Variants in HSPA4 observed in about 807,000 individuals in gnomAD.
HSPA4 encodes heat shock protein family A (Hsp70) member 4, also known as heat shock 70 kDa protein 4.
In HSPA4, 25 loss-of-function variants were observed where a neutral mutation model predicts 106.2. That is an observed-to-expected ratio of 0.24 (90% CI 0.17 to 0.33). The LOEUF (loss-of-function observed/expected upper bound fraction) is 0.33. Among genes scored for constraint, HSPA4 ranks in the 10% least tolerant of loss-of-function variants. The probability of loss-of-function intolerance (pLI) is 1.00; values close to 1 mark genes in which losing one functional copy is unlikely to be tolerated. For synonymous variants in HSPA4, 332 were observed against 333.6 expected (o/e 1.00, Z 0.05); for missense variants, 841 against 996.0 (o/e 0.84, Z 2.10).
intron 3 of HSPA4, 104 bp from the exon 4 acceptor site, chr5:133,070,270 A>G (rs1398858965): frequency 1.8e-6 from 2 of 1,110,352 alleles, no homozygotes; most frequent in Non-Finnish European, 2.6e-6. Flanking sequence ...CTCTTGAGAT[A>G]ATGTTGCATT....
intron 1 of HSPA4, among the ~76,000 whole-genome samples, chr5:133,064,193 T>C (rs1234401753): frequency 6.6e-6 from 1 of 152,156 alleles, no homozygotes; most frequent in Non-Finnish European, 1.5e-5. Context: ...AGAAGTGGGG[T>C]TAAAGTTCCT....
intron 3 of HSPA4, among the ~76,000 whole-genome samples, chr5:133,068,863 A>T (rs1021051611): frequency 1.6e-4 from 25 of 151,964 alleles, no homozygotes; most frequent in South Asian, 4.1e-4. Context: ...AAACAAGTAG[A>T]TGCAAGTCTA....
Position 133,053,328 on chromosome 5 carries a change from C to CTTTTTTTTTTTTTTTT in HSPA4, c.107+975_107+990dup, listed in dbSNP as rs58722769. Among the ~76,000 whole-genome samples the CTTTTTTTTTTTTTTTT allele has an allele frequency of 3.9e-5, 5 of 129,244 alleles. 2 individuals are homozygous for CTTTTTTTTTTTTTTTT. The highest frequency in any genetic ancestry group is 5.9e-5 in the African/African-American group (2 of 34,078). The allele number at this position is 129,244 out of a possible 152,430, so 84.8% of individuals were successfully genotyped here. ...TTATTTGCCATTCAGGGTCTCTCTTCTTTTTTTTTTTTTTTTTTTCTTTTT... is the reference window on the plus strand; with the variant it reads ...TTATTTGCCATTCAGGGTCTCTCTTCTTTTTTTTTTTTTTTTTTTTTTTTTTTTTTTTTTTCTTTTT... On this transcript the variant is annotated intron_variant, in intron 1 of 18. Transcript: ENST00000304858.
Position 133,089,120 on chromosome 5 carries a change from AAT to A in HSPA4, c.1206_1207del (p.Leu404GlufsTer7). ...CTATCACTGATGTAGTACCATATCC[AAT>A]ATCTCTGAGATGGAATTCTCCAGCT... ...FSITDVVPYP[I>X]SLRWNSPAEE... On this transcript the variant is annotated frameshift_variant, in exon 10 of 19. Transcript: ENST00000304858. LOFTEE classifies it high-confidence loss of function. 1 of 1,603,478 alleles carries A rather than the reference AAT, an allele frequency of 6.2e-7. No homozygotes were observed. The highest frequency in any genetic ancestry group is 2.2e-5 in the East Asian group (1 of 44,628).
At chr5:133,093,503 T>G (rs1433836939) in intron 13 of HSPA4, among the ~76,000 whole-genome samples, 1 of 152,138 alleles carries the variant, frequency 6.6e-6, no homozygotes, top group African/African-American at 2.4e-5. Flanking sequence ...ATCTTTTTAT[T>G]TTTTTGAGAT....
At chr5:133,090,914 A>T (rs1048849712) in intron 11 of HSPA4, among the ~76,000 whole-genome samples, 1 of 152,214 alleles carries the variant, frequency 6.6e-6, no homozygotes, top group Admixed American at 6.5e-5. Context: ...TGAAAGTAGC[A>T]TATAAAGATA....
At chr5:133,058,560 C>G (rs1382482165) in intron 1 of HSPA4, among the ~76,000 whole-genome samples, 1 of 151,758 alleles carries the variant, frequency 6.6e-6, no homozygotes, top group Non-Finnish European at 1.5e-5. Flanking sequence ...TGCCTGTAAT[C>G]CCAGCTGAGG....
intron 1 of HSPA4, among the ~76,000 whole-genome samples, chr5:133,063,540 C>A (rs992626321): frequency 6.6e-6 from 1 of 151,844 alleles, no homozygotes; most frequent in African/African-American, 2.4e-5. Context: ...AAGTGATTCT[C>A]CTGCCTCAGC....
intron 7 of HSPA4, among the ~76,000 whole-genome samples, chr5:133,080,901 A>G (rs566195400): frequency 6.6e-6 from 1 of 152,340 alleles, no homozygotes; most frequent in Non-Finnish European, 1.5e-5. Context: ...AAAGTGTACA[A>G]TTCCAGGGTT....
chr5:133,095,445 A>G (rs1392819679), intron 13 of HSPA4, among the ~76,000 whole-genome samples: 1 of 152,348 alleles, frequency 6.6e-6, no homozygotes, highest in African/African-American at 2.4e-5. Flanking sequence ...GAAAAAGGTT[A>G]AAAGAAACTC....
intron 17 of HSPA4, among the ~76,000 whole-genome samples, chr5:133,102,911 G>GTATTTTT: frequency 2.0e-5 from 1 of 48,892 alleles, no homozygotes; most frequent in Non-Finnish European, 4.1e-5. Flanking sequence ...AACTAGGGTT[G>GTATTTTT]TCTTTTTTTT....
At chr5:133,080,018 T>C (rs1765494161) in intron 7 of HSPA4, among the ~76,000 whole-genome samples, 1 of 152,190 alleles carries the variant, frequency 6.6e-6, no homozygotes, top group South Asian at 2.1e-4. Context: ...TCTATTTTCT[T>C]TTGGTGTATA....
At chr5:133,088,272 A>T in intron 8 of HSPA4, 132 bp from the exon 9 acceptor site, 1 of 634,334 alleles carries the variant, frequency 1.6e-6, no homozygotes. Context: ...TGTGGGCATG[A>T]GTATGTGTGT....
At chr5:133,086,661 A>G in intron 7 of HSPA4, 121 bp from the exon 8 acceptor site, 2 of 679,324 alleles carry the variant, frequency 2.9e-6, no homozygotes, top group Admixed American at 2.4e-5. Context: ...TGAAGGATCC[A>G]CTGTCTCCAC....
At chr5:133,094,353 T>C (rs1490010879) in intron 13 of HSPA4, among the ~76,000 whole-genome samples, 1 of 152,228 alleles carries the variant, frequency 6.6e-6, no homozygotes, top group Admixed American at 6.5e-5. Flanking sequence ...AAAAGTGACA[T>C]TTAAAAAAGT....
At chr5:133,083,599 A>G (rs1302303287) in intron 7 of HSPA4, among the ~76,000 whole-genome samples, 1 of 151,954 alleles carries the variant, frequency 6.6e-6, no homozygotes, top group Non-Finnish European at 1.5e-5. Flanking sequence ...GTGCAATGGC[A>G]TGATTTCAGC....
intron 9 of HSPA4, 61 bp downstream of exon 9, chr5:133,088,616 T>A: frequency 7.1e-7 from 1 of 1,407,064 alleles, no homozygotes; most frequent in Non-Finnish European, 1.0e-6. Flanking sequence ...ATGGCAGTGG[T>A]TTATGTATCT....
chr5:133,052,178 C>A lies in HSPA4; in HGVS notation c.-73C>A. The A allele has an allele frequency of 9.3e-7, 1 of 1,074,572 alleles. No homozygotes were observed. Among genetic ancestry groups the A allele is most frequent in the Non-Finnish European group, 1.4e-6 (1 of 731,358 alleles). 66.6% of individuals were successfully genotyped at this position (1,074,572 alleles called of 1,614,324 possible). On this transcript the variant is annotated 5_prime_UTR_variant, in exon 1 of 19. Coordinates refer to ENST00000304858, the MANE Select transcript of HSPA4 (RefSeq NM_002154.4). The stretch of plus-strand genomic sequence containing the variant: ...GCCCAAGAGGCCTGCTTTCCACTCG[C>A]TAGCCCCGCCGGGGGTCCGTGTCCT...
chr5:133,084,145 C>T lies in HSPA4; in HGVS notation c.909-2637C>T, dbSNP rs1048747074. Among the ~76,000 whole-genome samples, 17 of 152,274 alleles carry T rather than the reference C, an allele frequency of 1.1e-4. No individual in the cohort carries two copies. In the East Asian group the frequency reaches 2.9e-3, roughly 26 times the overall value. ...ATGTGCTTTTTGTATTTTTCAGTCC[C>T]TAGATTAAGTTTGCCAATTCTGTAA... On this transcript the variant is annotated intron_variant, in intron 7 of 18. Transcript: ENST00000304858.
Sources: gnomAD v4.1 joint callset for allele counts (sites outside exome capture counted in the v4.1 genomes callset) on GRCh38, gnomAD v4.1.1 for gene constraint, MANE v1.5 for transcripts, NCBI Gene and HGNC (gene_info 2026-07-23, HGNC 2026-07-21) for gene names.